Variants in WLS observed in about 807,000 individuals in gnomAD.
WLS encodes the protein protein wntless homolog.
A neutral mutation model predicts 62.8 loss-of-function variants in WLS; 23 were observed. The ratio of observed to expected loss-of-function variants is 0.37; its 90% confidence interval spans 0.26 to 0.52. The LOEUF (loss-of-function observed/expected upper bound fraction) is 0.52, where lower values mean the gene tolerates loss of function less well. WLS is among the 20% of genes least tolerant of loss of function. WLS has a pLI of 0.92. For missense variants in WLS, 615 were observed against 697.3 expected (o/e 0.88, Z 1.33); for synonymous variants, 246 against 244.1 (o/e 1.01, Z -0.07).
At chr1:68,227,703 A>G (rs552189003) in intron 1 of WLS, among the ~76,000 whole-genome samples, 2 of 152,338 alleles carry the variant, frequency 1.3e-5, no homozygotes, top group African/African-American at 4.8e-5. Flanking sequence ...GCAGAATTGA[A>G]TACAGAAAAA....
chr1:68,116,710 G>A (rs776599869), intron 11 of WLS, among the ~76,000 whole-genome samples: 5 of 152,178 alleles, frequency 3.3e-5, no homozygotes, highest in Non-Finnish European at 5.9e-5. Flanking sequence ...GTCTATGTTG[G>A]TTATTGGTCT....
intron 6 of WLS, 127 bp from the exon 7 acceptor site, chr1:68,148,787 A>G: frequency 1.3e-6 from 1 of 773,942 alleles, no homozygotes; most frequent in Admixed American, 2.3e-5. Flanking sequence ...GCTAGATTCT[A>G]GGTATGAGAA....
intron 2 of WLS, among the ~76,000 whole-genome samples, chr1:68,160,892 T>C (rs1646962484): frequency 1.3e-5 from 2 of 152,176 alleles, no homozygotes. Context: ...CTAATACATC[T>C]GAAGTGCTCT....
At chr1:68,160,070 T>TC (rs906703919) in intron 2 of WLS, among the ~76,000 whole-genome samples, 4 of 80,996 alleles carry the variant, frequency 4.9e-5, no homozygotes, top group Admixed American at 1.5e-4. Context: ...AGCAGAGAAG[T>TC]CTTTTTTTTT....
intron 11 of WLS, among the ~76,000 whole-genome samples, chr1:68,105,634 T>C (rs554881950): frequency 4.6e-5 from 7 of 152,322 alleles, no homozygotes; most frequent in African/African-American, 1.7e-4. Flanking sequence ...TGAACTCTGC[T>C]CAAGGTTTAC....
chr1:68,132,835 T>C (rs1438636700), intron 11 of WLS, among the ~76,000 whole-genome samples: 5 of 152,154 alleles, frequency 3.3e-5, no homozygotes, highest in Admixed American at 6.5e-5. Flanking sequence ...AGCTCCAACT[T>C]CTTATTCCCA....
intron 10 of WLS, 25 bp from the exon 11 acceptor site, chr1:68,137,958 CA>C: frequency 6.2e-7 from 1 of 1,612,356 alleles, no homozygotes; most frequent in South Asian, 1.1e-5. Flanking sequence ...TGGTGATATT[CA>C]ATTGAAACAG....
intron 10 of WLS, among the ~76,000 whole-genome samples, chr1:68,139,289 C>A (rs1446476685): frequency 1.3e-5 from 2 of 152,044 alleles, no homozygotes; most frequent in Middle Eastern, 3.4e-3. Context: ...TACCAGCATT[C>A]AAGCTACTTA....
At chr1:68,195,466 A>G (rs55684045) in intron 1 of WLS, among the ~76,000 whole-genome samples, 2,396 of 152,354 alleles carry the variant, frequency 0.016, 60 homozygotes, top group African/African-American at 0.055. Flanking sequence ...AGTATAAAAT[A>G]TTAGCCATTA....
At chr1:68,126,970 T>C (rs1646440225) in intron 11 of WLS, 2 of 262,390 alleles carry the variant, frequency 7.6e-6, no homozygotes, top group Non-Finnish European at 1.5e-5. Flanking sequence ...GTAGGAGGAC[T>C]GCTTGTGGCC....
chr1:68,176,918 T>C (rs920930214), intron 2 of WLS, among the ~76,000 whole-genome samples: 4 of 152,222 alleles, frequency 2.6e-5, no homozygotes, highest in African/African-American at 7.2e-5. Context: ...TCCTTCTCTA[T>C]ACCTAATGCC....
intron 11 of WLS, among the ~76,000 whole-genome samples, chr1:68,118,875 CAAAAAA>C (rs33982774): frequency 4.5e-4 from 12 of 26,390 alleles, no homozygotes; most frequent in South Asian, 2.7e-3. Flanking sequence ...GACTCTGTCT[CAAAAAA>C]AAAAAAAAAA....
intron 2 of WLS, among the ~76,000 whole-genome samples, chr1:68,180,731 CT>C (rs143061737): frequency 0.037 from 5,639 of 152,212 alleles, 338 homozygotes; most frequent in African/African-American, 0.13. Context: ...TCCCAACTTT[CT>C]CTCTCAAACT....
chr1:68,149,054 G>A (rs1646791037), intron 6 of WLS, among the ~76,000 whole-genome samples: 1 of 152,162 alleles, frequency 6.6e-6, no homozygotes, highest in African/African-American at 2.4e-5. Flanking sequence ...ACAAAGTAAA[G>A]ACATTAAAGC....
At chr1:68,176,770 G>T (rs1352808373) in intron 2 of WLS, among the ~76,000 whole-genome samples, 1 of 152,182 alleles carries the variant, frequency 6.6e-6, no homozygotes, top group African/African-American at 2.4e-5. Flanking sequence ...TCACTTTGAA[G>T]AAGTCACTTA....
intron 2 of WLS, among the ~76,000 whole-genome samples, chr1:68,179,510 C>T (rs940884439): frequency 3.3e-5 from 5 of 152,070 alleles, no homozygotes; most frequent in African/African-American, 7.2e-5. Flanking sequence ...ATAATTGTTC[C>T]GATGATCAGA....
At chr1:68,170,380 C>CTCCAGGT (rs1230163248) in intron 2 of WLS, among the ~76,000 whole-genome samples, 1 of 151,856 alleles carries the variant, frequency 6.6e-6, no homozygotes, top group African/African-American at 2.4e-5. Context: ...GTTGGTCAGG[C>CTCCAGGT]TGGTCTTGAA....
rs144673619 is a variant in WLS, at chr1:68,187,404, G to T, written c.379+6551C>A. 6.2e-3 allele frequency among the ~76,000 whole-genome samples: 943 copies of T among 152,044 alleles called. 10 individuals carry two copies. Among genetic ancestry groups the T allele is most frequent in the Non-Finnish European group, 9.1e-3 (618 of 67,994 alleles). On this transcript the variant is annotated intron_variant, in intron 2 of 11. Coordinates refer to ENST00000262348, the MANE Select transcript of WLS (RefSeq NM_024911.7). ...TAAGAAAATTAAGGATTATTTTTAA[G>T]TCAGAAAGCTTGAGTACAGTATTTT...
chr1:68,169,859 C>T (rs1008323884), intron 2 of WLS, among the ~76,000 whole-genome samples: 8 of 152,170 alleles, frequency 5.3e-5, no homozygotes, highest in African/African-American at 1.7e-4. Flanking sequence ...GTTCTATGAA[C>T]GTTCACTACC....
Sources: gnomAD v4.1 joint callset for allele counts (sites outside exome capture counted in the v4.1 genomes callset) on GRCh38, gnomAD v4.1.1 for gene constraint, MANE v1.5 for transcripts, NCBI Gene and HGNC (gene_info 2026-07-23, HGNC 2026-07-21) for gene names.